Variants in TEKTL1 observed in about 807,000 individuals in gnomAD.
TEKTL1 encodes tektin like 1.
chr19:15,022,171 A>G, the TEKTL1 span, among the ~76,000 whole-genome samples: 1 of 152,054 alleles, frequency 6.6e-6, no homozygotes, highest in Admixed American at 6.6e-5. Flanking sequence ...CTCACTGTCC[A>G]GCTCTGGCCT....
At chr19:15,017,747 C>G in the TEKTL1 span, among the ~76,000 whole-genome samples, 1 of 152,148 alleles carries the variant, frequency 6.6e-6, no homozygotes, top group Admixed American at 6.6e-5. Flanking sequence ...AGAAACCAAG[C>G]AATTGACACC....
chr19:15,010,988 G>C, the TEKTL1 span: 3 of 1,592,492 alleles, frequency 1.9e-6, no homozygotes, highest in Non-Finnish European at 8.5e-7. Context: ...CAGCGTGCTG[G>C]ACCCGAACGT....
the TEKTL1 span, among the ~76,000 whole-genome samples, chr19:15,022,148 C>A: frequency 1.3e-5 from 2 of 152,216 alleles, no homozygotes; most frequent in East Asian, 1.9e-4. Context: ...TGTCCTCCCC[C>A]CTCACACACA....
At chr19:15,021,608 G>A in the TEKTL1 span, 6 of 1,613,864 alleles carry the variant, frequency 3.7e-6, no homozygotes, top group South Asian at 4.4e-5. Context: ...GCGCTTCCCT[G>A]CCCCCAGGAA....
At chr19:15,010,981 C>T in the TEKTL1 span, 2 of 1,593,066 alleles carry the variant, frequency 1.3e-6, no homozygotes, top group Non-Finnish European at 1.7e-6. Context: ...CCAAGGACAG[C>T]GTGCTGGACC....
the TEKTL1 span, among the ~76,000 whole-genome samples, chr19:15,014,621 C>A: frequency 6.6e-6 from 1 of 150,544 alleles, no homozygotes; most frequent in South Asian, 2.1e-4. Context: ...TTATATTTCA[C>A]GTAGCAAAGC....
the TEKTL1 span, chr19:15,021,246 T>A: frequency 7.0e-7 from 1 of 1,433,294 alleles, no homozygotes; most frequent in East Asian, 2.5e-5. Flanking sequence ...AGTTCCTCAA[T>A]AAAACCCCCT....
chr19:15,021,265 G>A, the TEKTL1 span: 32 of 1,527,916 alleles, frequency 2.1e-5, no homozygotes, highest in Middle Eastern at 2.2e-4. Context: ...CTCGCCCAGG[G>A]CCCACCACCA....
At chr19:15,012,279 A>G in the TEKTL1 span, among the ~76,000 whole-genome samples, 2 of 149,326 alleles carry the variant, frequency 1.3e-5, no homozygotes, top group Non-Finnish European at 3.0e-5. Flanking sequence ...TTGCAGGTAA[A>G]TTAGCCAAGT....
At chr19:15,013,300 C>T in the TEKTL1 span, among the ~76,000 whole-genome samples, 1 of 152,116 alleles carries the variant, frequency 6.6e-6, no homozygotes, top group East Asian at 1.9e-4. Context: ...ATGATCCCTC[C>T]ACCTGTAGCC....
At chr19:15,022,773 CAGCTGTGTTCCTT>C in the TEKTL1 span, 1 of 1,286,264 alleles carries the variant, frequency 7.8e-7, no homozygotes, top group Non-Finnish European at 1.1e-6. Context: ...TTCCCCTCCT[CAGCTGTGTTCCTT>C]ACACACACAC....
the TEKTL1 span, among the ~76,000 whole-genome samples, chr19:15,018,732 A>ATATATATATATATATATAT: frequency 7.8e-4 from 61 of 78,490 alleles, 1 homozygote; most frequent in South Asian, 2.3e-3. Flanking sequence ...ATATATATAT[A>ATATATATATATATATATAT]ACTTCCCTGG....
chr19:15,011,826 C>G, the TEKTL1 span, among the ~76,000 whole-genome samples: 1 of 151,924 alleles, frequency 6.6e-6, no homozygotes, highest in African/African-American at 2.4e-5. Context: ...CAGTAGCTCA[C>G]GCCTGTAATC....
At chr19:15,011,021 G>A in the TEKTL1 span, 1 of 1,582,314 alleles carries the variant, frequency 6.3e-7, no homozygotes, top group Non-Finnish European at 8.6e-7. Context: ...CGGCCGCGCC[G>A]CCTACATCCA....
the TEKTL1 span, among the ~76,000 whole-genome samples, chr19:15,016,175 G>T: frequency 1.3e-5 from 2 of 148,732 alleles, no homozygotes; most frequent in South Asian, 4.3e-4. Context: ...TGCTGAACTG[G>T]ACAGCTGTCC....
the TEKTL1 span, chr19:15,022,722 G>GGT: frequency 9.6e-6 from 5 of 522,856 alleles, no homozygotes; most frequent in Non-Finnish European, 1.2e-5. Context: ...CCCTGTCGCG[G>GGT]TTTTTTTTTT....
chr19:15,013,187 G>C, the TEKTL1 span, among the ~76,000 whole-genome samples: 1 of 152,108 alleles, frequency 6.6e-6, no homozygotes, highest in South Asian at 2.1e-4. Flanking sequence ...CCTGCCTCCC[G>C]GGGGAGAGAT....
At chr19:15,013,200 G>C in the TEKTL1 span, among the ~76,000 whole-genome samples, 1 of 152,066 alleles carries the variant, frequency 6.6e-6, no homozygotes, top group Non-Finnish European at 1.5e-5. Flanking sequence ...GGAGAGATGA[G>C]ACCCCACCCA....
the TEKTL1 span, among the ~76,000 whole-genome samples, chr19:15,021,023 G>T: frequency 6.6e-6 from 1 of 152,038 alleles, no homozygotes; most frequent in African/African-American, 2.4e-5. Flanking sequence ...GGGATTACAG[G>T]CGCCCACCAC....
Sources: gnomAD v4.1 joint callset for allele counts (sites outside exome capture counted in the v4.1 genomes callset) on GRCh38, gnomAD v4.1.1 for gene constraint, MANE v1.5 for transcripts, NCBI Gene and HGNC (gene_info 2026-07-23, HGNC 2026-07-21) for gene names.